ZNF804B: variants seen among roughly 807,000 people sequenced by gnomAD.
ZNF804B encodes zinc finger protein 804B, also known as zinc finger 804B.
Under a neutral mutation model 101.4 loss-of-function variants are expected in ZNF804B, and 80 were observed. That is an observed-to-expected ratio of 0.79 (90% CI 0.66 to 0.95). ZNF804B has a LOEUF of 0.95. Among genes scored for constraint, ZNF804B ranks in the 40% least tolerant of loss-of-function variants. The pLI, the probability that ZNF804B is intolerant of heterozygous loss-of-function variation, is 0.00. For missense variants in ZNF804B, 1,673 were observed against 1,561.9 expected (o/e 1.07, Z -1.20); for synonymous variants, 622 against 558.8 (o/e 1.11, Z -1.59).
chr7:89,132,169 T>TACAC (rs59188340), intron 1 of ZNF804B, among the ~76,000 whole-genome samples: 22,463 of 131,110 alleles, frequency 0.17, 1,903 homozygotes, highest in Admixed American at 0.24. Flanking sequence ...CACGCACACA[T>TACAC]ACACACACAC....
At chr7:88,855,268 G>A (rs1252408189) in intron 1 of ZNF804B, among the ~76,000 whole-genome samples, 46 of 151,690 alleles carry the variant, frequency 3.0e-4, no homozygotes, top group Non-Finnish European at 6.0e-4. Flanking sequence ...AGCACCTGTT[G>A]TTTCCTGACT....
intron 1 of ZNF804B, among the ~76,000 whole-genome samples, chr7:88,810,505 A>C (rs1408402000): frequency 6.6e-6 from 1 of 151,822 alleles, no homozygotes; most frequent in African/African-American, 2.4e-5. Context: ...TCCAAAAAAA[A>C]AAAAAAATTA....
intron 1 of ZNF804B, among the ~76,000 whole-genome samples, chr7:88,974,348 T>G (rs1430552520): frequency 1.3e-5 from 2 of 151,358 alleles, no homozygotes; most frequent in Non-Finnish European, 3.0e-5. Context: ...ATTGTATTAT[T>G]GAAAGATGTT....
At chr7:89,226,020 A>G (rs1229805058) in intron 2 of ZNF804B, among the ~76,000 whole-genome samples, 1 of 152,104 alleles carries the variant, frequency 6.6e-6, no homozygotes, top group African/African-American at 2.4e-5. Context: ...AAAATTGTCA[A>G]TGGATTACAA....
chr7:89,146,696 G>T (rs1168688592), intron 1 of ZNF804B, among the ~76,000 whole-genome samples: 1 of 151,888 alleles, frequency 6.6e-6, no homozygotes. Flanking sequence ...AGGATAAAAA[G>T]AACTTTATGT....
intron 1 of ZNF804B, among the ~76,000 whole-genome samples, chr7:88,896,713 A>G (rs1792290392): frequency 6.6e-6 from 1 of 152,202 alleles, no homozygotes; most frequent in South Asian, 2.1e-4. Context: ...CCAAATAAAT[A>G]ATTGGAATGC....
intron 2 of ZNF804B, among the ~76,000 whole-genome samples, chr7:89,299,267 A>G (rs1339475159): frequency 6.6e-6 from 1 of 151,960 alleles, no homozygotes. Flanking sequence ...TTCATGTATT[A>G]CTCTAGGAAT....
At chr7:89,256,069 T>C (rs1010803687) in intron 2 of ZNF804B, among the ~76,000 whole-genome samples, 6 of 152,186 alleles carry the variant, frequency 3.9e-5, no homozygotes, top group African/African-American at 1.4e-4. Context: ...ATGATTTTAA[T>C]GATAAGAAAC....
intron 1 of ZNF804B, chr7:88,794,474 A>G (rs752504765): frequency 1.2e-6 from 2 of 1,613,850 alleles, no homozygotes; most frequent in East Asian, 2.2e-5. Context: ...TCGTCGAGAT[A>G]CATAACTGGA....
intron 1 of ZNF804B, among the ~76,000 whole-genome samples, chr7:89,081,920 C>A (rs1789703832): frequency 6.6e-6 from 1 of 151,782 alleles, no homozygotes; most frequent in Non-Finnish European, 1.5e-5. Flanking sequence ...AACATCTTCA[C>A]TTCCTTTCAA....
At chr7:89,236,553 T>C (rs1276986173) in intron 2 of ZNF804B, among the ~76,000 whole-genome samples, 1 of 152,138 alleles carries the variant, frequency 6.6e-6, no homozygotes, top group Non-Finnish European at 1.5e-5. Context: ...ACATGTGACA[T>C]TCACCTGGTC....
intron 1 of ZNF804B, among the ~76,000 whole-genome samples, chr7:89,008,816 A>G (rs1042623706): frequency 6.6e-6 from 1 of 152,090 alleles, no homozygotes; most frequent in African/African-American, 2.4e-5. Context: ...CTTACACTCT[A>G]TCTGCTCCCA....
intron 2 of ZNF804B, among the ~76,000 whole-genome samples, chr7:89,247,461 C>T (rs1252205394): frequency 6.6e-6 from 1 of 152,160 alleles, no homozygotes; most frequent in African/African-American, 2.4e-5. Context: ...CAATATTCAA[C>T]TGCTGACAGA....
chr7:88,812,218 C>A (rs1790801083), intron 1 of ZNF804B, among the ~76,000 whole-genome samples: 1 of 152,112 alleles, frequency 6.6e-6, no homozygotes, highest in Non-Finnish European at 1.5e-5. Context: ...TTCATCCATT[C>A]CAAAGAAATT....
chr7:89,155,295 G>A (rs1054648158), intron 1 of ZNF804B, among the ~76,000 whole-genome samples: 1 of 152,096 alleles, frequency 6.6e-6, no homozygotes, highest in Non-Finnish European at 1.5e-5. Flanking sequence ...AAGAAAAAAG[G>A]AGTTAGCTCA....
chr7:89,100,215 A>G (rs973371120), intron 1 of ZNF804B, among the ~76,000 whole-genome samples: 1 of 152,290 alleles, frequency 6.6e-6, no homozygotes, highest in Middle Eastern at 3.4e-3. Flanking sequence ...ATTGGGGAAA[A>G]GGCAGTCTCT....
chr7:88,934,719 C>T (rs2373744), intron 1 of ZNF804B, among the ~76,000 whole-genome samples: 82,463 of 151,634 alleles, frequency 0.54, 24,930 homozygotes, highest in East Asian at 0.85. Context: ...AAAGTGGTAA[C>T]AATTAAAAAG....
chr7:89,300,799 A>C (rs1584113307), intron 2 of ZNF804B, among the ~76,000 whole-genome samples: 2 of 152,090 alleles, frequency 1.3e-5, no homozygotes, highest in African/African-American at 4.8e-5. Flanking sequence ...TTAATCAGGC[A>C]AAAGGCTTAA....
In ZNF804B at chr7:89,220,177, G is replaced by GCGTATATATACA. The variant is rs373110832; in HGVS notation, c.249+1882_249+1883insCGTATATATACA. On this transcript the variant is annotated intron_variant, in intron 2 of 3. Transcript: ENST00000333190. The stretch of plus-strand genomic sequence containing the variant: ...TATATATATACGCACATATATATGT[G>GCGTATATATACA]TGTATATATATATATCCTTGGGAAA... 6.6e-4 allele frequency among the ~76,000 whole-genome samples: 21 copies of GCGTATATATACA among 31,840 alleles called. 1 individual carries two copies. The highest frequency in any genetic ancestry group is 2.9e-3 in the African/African-American group (21 of 7,242). The allele number at this position is 31,840 out of a possible 152,430, so 20.9% of individuals were successfully genotyped here.
Sources: allele counts gnomAD v4.1 joint callset (sites outside exome capture counted in the v4.1 genomes callset), GRCh38; gene constraint gnomAD v4.1.1; transcripts MANE v1.5; gene names NCBI Gene and HGNC (gene_info 2026-07-23, HGNC 2026-07-21).